The following TRIM16 variants were observed in gnomAD, a reference collection of about 807,000 sequenced individuals.
TRIM16 encodes the protein tripartite motif-containing protein 16.
TRIM16 carries 33 observed loss-of-function variants against 50.4 expected under a neutral mutation model. That is an observed-to-expected ratio of 0.65 (90% CI 0.50 to 0.88). The LOEUF (loss-of-function observed/expected upper bound fraction) is 0.88, where lower values mean the gene tolerates loss of function less well. Among genes scored for constraint, TRIM16 ranks in the 40% least tolerant of loss-of-function variants. The pLI is 0.00. For missense variants in TRIM16, 581 were observed against 686.8 expected, an observed-to-expected ratio of 0.85 and a Z score of 1.72; for synonymous variants, 229 against 270.7, an observed-to-expected ratio of 0.85 and a Z score of 1.51.
intron 6 of TRIM16, chr17:15,658,739 G>C: frequency 1.1e-6 from 1 of 923,390 alleles, no homozygotes; most frequent in Non-Finnish European, 1.3e-6. Context: ...CAAAGTCTGA[G>C]AACCACTGAG....
chr17:15,649,218 G>A (rs1431768871), intron 7 of TRIM16, among the ~76,000 whole-genome samples: 1 of 152,096 alleles, frequency 6.6e-6, no homozygotes, highest in African/African-American at 2.4e-5. Context: ...AGGAGAAAAC[G>A]GAGGTTTGGT....
chr17:15,638,053 G>A (rs1443557411), intron 8 of TRIM16, among the ~76,000 whole-genome samples: 1 of 131,360 alleles, frequency 7.6e-6, no homozygotes, highest in Non-Finnish European at 1.6e-5. Context: ...AAGGCAGCAT[G>A]CTCGTTAAGA....
intron 4 of TRIM16, among the ~76,000 whole-genome samples, chr17:15,678,949 T>C (rs1989064135): frequency 1.3e-5 from 2 of 150,898 alleles, no homozygotes; most frequent in Non-Finnish European, 2.9e-5. Context: ...GCTCTCGGCT[T>C]ACCGCAACCT....
chr17:15,681,039 T>C (rs1989162983), intron 3 of TRIM16, 86 bp from the exon 4 acceptor site: 1 of 1,245,614 alleles, frequency 8.0e-7, no homozygotes, highest in Non-Finnish European at 1.1e-6. Flanking sequence ...TATGAGAAAA[T>C]GTGCCTCTGA....
At chr17:15,645,630 G>C (rs1340206724) in intron 7 of TRIM16, among the ~76,000 whole-genome samples, 1 of 152,058 alleles carries the variant, frequency 6.6e-6, no homozygotes, top group Non-Finnish European at 1.5e-5. Context: ...TTAAAGCTGC[G>C]AGTCATTATG....
In TRIM16 at chr17:15,651,746, A is replaced by G; in HGVS notation, c.-137T>C. 1 of 1,516,178 alleles carries G rather than the reference A, an allele frequency of 6.6e-7. No individual in the cohort carries two copies. The highest frequency in any genetic ancestry group is 8.8e-7 in the Non-Finnish European group (1 of 1,137,848). 93.9% of individuals were successfully genotyped at this position (1,516,178 alleles called of 1,614,324 possible). A position where few individuals can be genotyped will look rare whatever the true frequency, so the allele number is the denominator to read the frequency against. ...TTAACTGTTTCCTCCCTCCCAGAGG[A>G]AGCTCGGCCACTCATTACTGTGTGC... is the stretch of plus-strand genomic sequence containing the variant. On this transcript the variant is annotated 5_prime_UTR_variant, in exon 7 of 12. Coordinates refer to ENST00000649191, the MANE Select transcript of TRIM16 (RefSeq NM_001348119.1).
intron 6 of TRIM16, among the ~76,000 whole-genome samples, chr17:15,669,880 C>A (rs1401534032): frequency 2.6e-5 from 4 of 152,310 alleles, no homozygotes; most frequent in Non-Finnish European, 5.9e-5. Flanking sequence ...TTGCCTCTAT[C>A]CTCTAGGTGC....
intron 9 of TRIM16, among the ~76,000 whole-genome samples, chr17:15,635,237 T>TA (rs1986673045): frequency 6.8e-6 from 1 of 147,320 alleles, no homozygotes; most frequent in South Asian, 2.2e-4. Flanking sequence ...GGCTTGTTGA[T>TA]AAATGAGAAA....
intron 6 of TRIM16, among the ~76,000 whole-genome samples, chr17:15,666,822 G>A (rs1988520965): frequency 6.6e-6 from 1 of 152,236 alleles, no homozygotes; most frequent in Non-Finnish European, 1.5e-5. Flanking sequence ...CTGCTGATGA[G>A]CATTTGGGTT....
chr17:15,661,158 A>G (rs1301106504), intron 6 of TRIM16, among the ~76,000 whole-genome samples: 1 of 152,208 alleles, frequency 6.6e-6, no homozygotes, highest in Non-Finnish European at 1.5e-5. Flanking sequence ...ACCTCTCTGA[A>G]TCTGTTTCCT....
At chr17:15,663,331 C>T (rs1350994186) in intron 6 of TRIM16, among the ~76,000 whole-genome samples, 1 of 152,130 alleles carries the variant, frequency 6.6e-6, no homozygotes, top group East Asian at 1.9e-4. Context: ...ACACTAGATA[C>T]TTATTTGTGG....
At chr17:15,656,262 G>T (rs1436184242) in intron 6 of TRIM16, among the ~76,000 whole-genome samples, 1 of 152,030 alleles carries the variant, frequency 6.6e-6, no homozygotes, top group East Asian at 1.9e-4. Flanking sequence ...AAATATTGAG[G>T]CTAGAAAGTC....
intron 6 of TRIM16, among the ~76,000 whole-genome samples, chr17:15,667,263 G>A (rs1988538958): frequency 6.6e-6 from 1 of 152,112 alleles, no homozygotes; most frequent in South Asian, 2.1e-4. Context: ...TAAAATTGCT[G>A]AGGCCTCAGC....
In TRIM16 at chr17:15,651,559, A is replaced by AGCAGTGGCCCTGG. The variant is rs751117063; in HGVS notation, c.38_50dup (p.Pro19GlyfsTer57). 2 of 1,613,886 alleles carry AGCAGTGGCCCTGG rather than the reference A, an allele frequency of 1.2e-6. No individual in the cohort carries two copies. Among genetic ancestry groups the AGCAGTGGCCCTGG allele is most frequent in the Admixed American group, 1.7e-5 (1 of 60,004 alleles). On this transcript the variant is annotated frameshift_variant, in exon 7 of 12. Transcript: ENST00000649191. LOFTEE classifies it high-confidence loss of function. ...CTGGGCTGAGAGGGGCTGGGGGCTG[A>AGCAGTGGCCCTGG]GCAGTGGCCCTGGGCAGTGGCCCTG...
At chr17:15,654,906 T>C (rs1304202345) in intron 6 of TRIM16, among the ~76,000 whole-genome samples, 1 of 152,180 alleles carries the variant, frequency 6.6e-6, no homozygotes, top group Non-Finnish European at 1.5e-5. Flanking sequence ...GTCTCTTTGA[T>C]TCCTTAATTA....
chr17:15,676,012 G>C (rs1321200851), intron 6 of TRIM16, among the ~76,000 whole-genome samples: 2 of 151,942 alleles, frequency 1.3e-5, no homozygotes, highest in Non-Finnish European at 2.9e-5. Context: ...TGTACCCCCA[G>C]TTAAGATCTC....
chr17:15,667,290 G>C (rs962169910), intron 6 of TRIM16, among the ~76,000 whole-genome samples: 3 of 152,066 alleles, frequency 2.0e-5, no homozygotes, highest in Non-Finnish European at 4.4e-5. Flanking sequence ...CAAAGCAGTG[G>C]CACCAAACTG....
At chr17:15,652,379 T>G (rs1733183368) in intron 6 of TRIM16, among the ~76,000 whole-genome samples, 1 of 149,602 alleles carries the variant, frequency 6.7e-6, no homozygotes, top group South Asian at 2.1e-4. Flanking sequence ...CAGGCTGGTC[T>G]TGAACCCCTG....
chr17:15,669,985 C>A (rs1416296790), intron 6 of TRIM16, among the ~76,000 whole-genome samples: 2 of 152,186 alleles, frequency 1.3e-5, no homozygotes, highest in Non-Finnish European at 2.9e-5. Flanking sequence ...TGGTTGAGAA[C>A]CACTAACGTG....
Sources: gnomAD v4.1 joint callset for allele counts (sites outside exome capture counted in the v4.1 genomes callset) on GRCh38, gnomAD v4.1.1 for gene constraint, MANE v1.5 for transcripts, NCBI Gene and HGNC (gene_info 2026-07-23, HGNC 2026-07-21) for gene names.